SORCS3: variants seen among roughly 807,000 people sequenced by gnomAD.
SORCS3 encodes VPS10 domain-containing receptor SorCS3.
A neutral mutation model predicts 146.3 loss-of-function variants in SORCS3; 57 were observed. The observed-to-expected ratio is 0.39, with a 90% confidence interval of 0.31 to 0.49. SORCS3 has a LOEUF of 0.49. Ranked by LOEUF, SORCS3 falls within the 20% of genes least tolerant of loss-of-function variation. The pLI is 0.92. For missense variants in SORCS3, 1,341 were observed against 1,575.5 expected, an observed-to-expected ratio of 0.85 and a Z score of 2.52; for synonymous variants, 653 against 618.5, an observed-to-expected ratio of 1.06 and a Z score of -0.83.
chr10:105,142,762 G>A (rs550557513), intron 8 of SORCS3, among the ~76,000 whole-genome samples: 1 of 152,160 alleles, frequency 6.6e-6, no homozygotes, highest in East Asian at 1.9e-4. Context: ...CAAGGTGCTT[G>A]CAGGTATTGC....
intron 17 of SORCS3, among the ~76,000 whole-genome samples, chr10:105,214,241 T>G (rs1238078705): frequency 6.6e-6 from 1 of 152,130 alleles, no homozygotes; most frequent in Non-Finnish European, 1.5e-5. Flanking sequence ...CTTACCAAGA[T>G]GGAGGGATAG....
chr10:105,135,204 G>A (rs746482731), intron 7 of SORCS3, among the ~76,000 whole-genome samples: 8 of 152,162 alleles, frequency 5.3e-5, no homozygotes, highest in Non-Finnish European at 1.0e-4. Flanking sequence ...ATGGTTTTGG[G>A]TAGGTATAGC....
intron 2 of SORCS3, among the ~76,000 whole-genome samples, chr10:104,879,882 G>A (rs1449441729): frequency 6.6e-6 from 1 of 152,144 alleles, no homozygotes; most frequent in African/African-American, 2.4e-5. Context: ...AGAATCAATG[G>A]GTGGCAATAG....
chr10:104,782,478 A>G (rs1415427132), intron 1 of SORCS3, among the ~76,000 whole-genome samples: 1 of 152,222 alleles, frequency 6.6e-6, no homozygotes, highest in Non-Finnish European at 1.5e-5. Context: ...CAAGATGTGC[A>G]ATAAGATTGC....
intron 1 of SORCS3, among the ~76,000 whole-genome samples, chr10:104,676,873 T>A (rs2015918257): frequency 6.6e-6 from 1 of 152,238 alleles, no homozygotes; most frequent in Non-Finnish European, 1.5e-5. Flanking sequence ...AGTGGTCGAA[T>A]GGTAGTGTGT....
chr10:105,174,614 C>A (rs192712616), intron 13 of SORCS3, among the ~76,000 whole-genome samples: 1 of 152,078 alleles, frequency 6.6e-6, no homozygotes, highest in Non-Finnish European at 1.5e-5. Context: ...GGTCTCAGAT[C>A]GCCCTAGCTC....
At chr10:105,261,668 T>C (rs1012826417) in intron 25 of SORCS3, among the ~76,000 whole-genome samples, 18 of 152,150 alleles carry the variant, frequency 1.2e-4, no homozygotes, top group African/African-American at 4.3e-4. Context: ...GCCGCTCACT[T>C]CTCCAACCCC....
intron 1 of SORCS3, among the ~76,000 whole-genome samples, chr10:104,768,176 G>A (rs1229392327): frequency 6.6e-6 from 1 of 152,184 alleles, no homozygotes; most frequent in African/African-American, 2.4e-5. Flanking sequence ...AGCTTCTTGA[G>A]CTCCAAAGTA....
At chr10:104,652,295 C>T (rs1419567139) in intron 1 of SORCS3, among the ~76,000 whole-genome samples, 2 of 152,076 alleles carry the variant, frequency 1.3e-5, no homozygotes, top group East Asian at 1.9e-4. Flanking sequence ...GATTCAGTTT[C>T]GTCACCTATA....
intron 3 of SORCS3, among the ~76,000 whole-genome samples, chr10:104,925,436 G>C (rs2019132297): frequency 6.6e-6 from 1 of 152,140 alleles, no homozygotes; most frequent in African/African-American, 2.4e-5. Context: ...AACTCCCCCT[G>C]GTGGCAGAAA....
At chr10:104,966,476 A>C (rs2054826901) in intron 3 of SORCS3, among the ~76,000 whole-genome samples, 1 of 152,198 alleles carries the variant, frequency 6.6e-6, no homozygotes, top group Non-Finnish European at 1.5e-5. Context: ...TCAATTATAC[A>C]ATAAATTATA....
chr10:104,759,423 A>G (rs1452240843), intron 1 of SORCS3, among the ~76,000 whole-genome samples: 2 of 152,140 alleles, frequency 1.3e-5, no homozygotes, highest in Non-Finnish European at 2.9e-5. Flanking sequence ...GAATCTGCAG[A>G]GGGCCAAATA....
intron 1 of SORCS3, among the ~76,000 whole-genome samples, chr10:104,661,544 T>C (rs4917426): frequency 0.97 from 148,093 of 152,242 alleles, 72,115 homozygotes; most frequent in East Asian, 1. Flanking sequence ...GTGACTTAGT[T>C]TTGGCTAAGC....
chr10:104,760,028 T>G (rs2017102000), intron 1 of SORCS3, among the ~76,000 whole-genome samples: 1 of 152,168 alleles, frequency 6.6e-6, no homozygotes, highest in African/African-American at 2.4e-5. Flanking sequence ...TGAGCTGAGA[T>G]CTGAAAGAAC....
chr10:104,696,219 CATAT>C (rs1251577020), intron 1 of SORCS3, among the ~76,000 whole-genome samples: 1 of 33,178 alleles, frequency 3.0e-5, no homozygotes, highest in Non-Finnish European at 5.9e-5. Flanking sequence ...ATCATATACA[CATAT>C]ATAATATATA....
chr10:104,804,410 A>G (rs536624431), intron 1 of SORCS3, among the ~76,000 whole-genome samples: 6 of 152,232 alleles, frequency 3.9e-5, no homozygotes, highest in Non-Finnish European at 8.8e-5. Flanking sequence ...GGAGGGGCCC[A>G]AAGCAAATGT....
intron 7 of SORCS3, among the ~76,000 whole-genome samples, chr10:105,135,711 A>G (rs1402804866): frequency 6.6e-6 from 1 of 152,198 alleles, no homozygotes; most frequent in African/African-American, 2.4e-5. Context: ...TACACCGCTT[A>G]CAATTTCTGC....
At chr10:105,180,453 A>G (rs2056436408) in intron 14 of SORCS3, among the ~76,000 whole-genome samples, 1 of 152,246 alleles carries the variant, frequency 6.6e-6, no homozygotes, top group African/African-American at 2.4e-5. Flanking sequence ...AAGGCAAAGG[A>G]AAGAACACAA....
chr10:105,114,508 A>C (rs549852186), intron 7 of SORCS3, among the ~76,000 whole-genome samples: 1 of 152,230 alleles, frequency 6.6e-6, no homozygotes, highest in East Asian at 1.9e-4. Context: ...TGCAACTTGA[A>C]CATTCTGGAA....
Sources: gnomAD v4.1 joint callset for allele counts (sites outside exome capture counted in the v4.1 genomes callset) on GRCh38, gnomAD v4.1.1 for gene constraint, MANE v1.5 for transcripts, NCBI Gene and HGNC (gene_info 2026-07-23, HGNC 2026-07-21) for gene names.